Variants in CARD14 observed in about 807,000 individuals in gnomAD.
CARD14 encodes the protein caspase recruitment domain-containing protein 14.
In CARD14, 107 loss-of-function variants were observed where a neutral mutation model predicts 111.5. The observed-to-expected ratio is 0.96, with a 90% confidence interval of 0.82 to 1.13. The LOEUF is 1.13. Among genes scored for constraint, CARD14 ranks in the 50% most tolerant of loss-of-function variants. The pLI, the probability that CARD14 is intolerant of heterozygous loss-of-function variation, is 0.00. For missense variants in CARD14, 1,322 were observed against 1,362.3 expected (o/e 0.97, Z 0.47); for synonymous variants, 617 against 579.6 (o/e 1.06, Z -0.93).
intron 11 of CARD14, 59 bp downstream of exon 11, chr17:80,191,531 A>T: frequency 6.3e-7 from 1 of 1,584,960 alleles, no homozygotes; most frequent in Non-Finnish European, 8.6e-7. Context: ...TGACAGTGGG[A>T]CAGAGCTGGG....
Position 80,184,059 on chromosome 17 carries a change from C to G in CARD14, c.496C>G (p.Arg166Gly), listed in dbSNP as rs751727290. The G allele has an allele frequency of 1.3e-6, 2 of 1,586,180 alleles. No individual in the cohort carries two copies. Among genetic ancestry groups the G allele is most frequent in the South Asian group, 2.3e-5 (2 of 87,086 alleles). Reference sequence around the variant, plus strand: ...GGAGCACCTGGGCCTGGCCGAGACCCGTGCCGAGGGCCTGCACCAGCTGGA... The same window carrying G: ...GGAGCACCTGGGCCTGGCCGAGACCGGTGCCGAGGGCCTGCACCAGCTGGA... ...LQEHLGLAETRAEGLHQLEAD... is the reference protein window; with the variant it reads ...LQEHLGLAETGAEGLHQLEAD... The change falls in exon 7 of 24, where the codon CGT becomes GGT. Residue 166 changes from arginine (R) to glycine (G), a missense_variant. Coordinates refer to ENST00000648509, the MANE Select transcript of CARD14 (RefSeq NM_001366385.1).
Position 80,188,091 on chromosome 17 carries a change from GT to G in CARD14, c.676-284del. On this transcript the variant is annotated intron_variant, in intron 7 of 23. Transcript: ENST00000648509. The surrounding 1 kb of genome is among the most constrained non-coding windows in gnomAD (Gnocchi z 4.5). ...CTCAGCTGTAGAGATCCAGGAGTTGGTTATCAAGGCCTCTTGGTCTATTCCT... is the reference window on the plus strand; with the variant it reads ...CTCAGCTGTAGAGATCCAGGAGTTGGTATCAAGGCCTCTTGGTCTATTCCT... 1 of 567,066 alleles carries G rather than the reference GT, an allele frequency of 1.8e-6. No individual in the cohort carries two copies. Among genetic ancestry groups the G allele is most frequent in the Non-Finnish European group, 2.3e-6 (1 of 426,098 alleles). 35.1% of individuals were successfully genotyped at this position (567,066 alleles called of 1,614,324 possible).
At chr17:80,196,574 T>C (rs535151599) in intron 14 of CARD14, 13 of 152,244 alleles carry the variant, frequency 8.5e-5, no homozygotes, top group Non-Finnish European at 1.9e-4. Flanking sequence ...TTTTTGCCTG[T>C]GAGCCAGGCC....
chr17:80,200,781 C>T, intron 16 of CARD14: 1 of 159,208 alleles, frequency 6.3e-6, no homozygotes, highest in Non-Finnish European at 1.4e-5. Context: ...TGTTTTCCTG[C>T]AACTAGACGG....
chr17:80,175,396 A>G (rs906983845), intron 2 of CARD14, among the ~76,000 whole-genome samples: 3 of 152,170 alleles, frequency 2.0e-5, no homozygotes, highest in African/African-American at 7.2e-5. Flanking sequence ...TCATTTCACC[A>G]GGAGCTGGGG....
In CARD14 at chr17:80,202,207, A is replaced by G; in HGVS notation, c.2006A>G (p.Glu669Gly). Residue 669 changes from glutamate (E) to glycine (G), a missense_variant, in exon 18 of 24, where the codon GAG (glutamate) becomes GGG (glycine). Glu to Gly is a moderately conservative substitution (Grantham distance 98). Transcript: ENST00000648509. ...TATAAGAGGCTACTCCAGGACCTGGAGGCCAAAGTGGCGACCTCGGGGGAC... is the reference window on the plus strand; with the variant it reads ...TATAAGAGGCTACTCCAGGACCTGGGGGCCAAAGTGGCGACCTCGGGGGAC... ...DGYKRLLQDL[E>G]AKVATSGDSF... 1 of 1,613,778 alleles carries G rather than the reference A, an allele frequency of 6.2e-7. No homozygotes were observed. Among genetic ancestry groups the G allele is most frequent in the Admixed American group, 1.7e-5 (1 of 60,008 alleles).
At chr17:80,177,462 G>A (rs534657755) in intron 2 of CARD14, among the ~76,000 whole-genome samples, 5 of 152,194 alleles carry the variant, frequency 3.3e-5, no homozygotes, top group South Asian at 4.1e-4. Context: ...TTGGGAGGCC[G>A]AGGCAGGCGG....
At position 80,209,265 on chromosome 17, in the gene CARD14, A is replaced by G; in HGVS notation, c.*920A>G. On this transcript the variant is annotated 3_prime_UTR_variant, in exon 24 of 24. Coordinates refer to ENST00000648509, the MANE Select transcript of CARD14 (RefSeq NM_001366385.1). ...AAGCTGTTCTAGAATTCAGGTTGGT[A>G]TCATCATAAATGAGTTCAGAAAAAG... The G allele has an allele frequency of 1.1e-6, 1 of 947,966 alleles. No homozygotes were observed. Among genetic ancestry groups the G allele is most frequent in the Non-Finnish European group, 1.3e-6 (1 of 795,754 alleles). The allele number at this position is 947,966 out of a possible 1,614,324, so 58.7% of individuals were successfully genotyped here.
At position 80,191,465 on chromosome 17, in the gene CARD14, C is replaced by T. The variant is rs564433759; in HGVS notation, c.1232C>T (p.Pro411Leu). 65 of 1,612,160 alleles carry T rather than the reference C, an allele frequency of 4.0e-5. No individual in the cohort carries two copies. Among genetic ancestry groups the T allele is most frequent in the Admixed American group, 2.5e-4 (15 of 60,002 alleles). The part of the protein sequence containing the change: ...TQLRQLQAEP[P>L]GVLKQEARTR... ...CTTCGCCAGCTGCAGGCAGAGCCTC[C>T]GGGTGTGGTGAGTGTTCCCGGCTGA... Residue 411 changes from proline (P) to leucine (L), a missense_variant, in exon 11 of 24, where the codon CCG (proline) becomes CTG (leucine). Physicochemically the swap from Pro to Leu is moderately conservative, Grantham distance 98. Coordinates refer to ENST00000648509, the MANE Select transcript of CARD14 (RefSeq NM_001366385.1).
At chr17:80,204,722 C>A in intron 20 of CARD14, 1 of 414,546 alleles carries the variant, frequency 2.4e-6, no homozygotes, top group East Asian at 3.8e-5. Context: ...GCCACTCTCC[C>A]AGATCCTTTG....
rs777211579 is a variant in CARD14 at position 80,208,259 on chromosome 17, G to A, written c.2929G>A (p.Asp977Asn). 36 of 1,589,892 alleles carry A rather than the reference G, an allele frequency of 2.3e-5. No individual in the cohort carries two copies. In the East Asian group the frequency reaches 5.4e-4, roughly 24 times the overall value. The part of the protein sequence containing the change: ...YSSLAPDGWS[D>N]LDGLLSCVRQ... ...CAGCCTGGCTCCTGACGGCTGGAGC[G>A]ACCTGGACGGCCTGCTCAGCTGTGT... is the stretch of plus-strand genomic sequence containing the variant. The change falls in exon 24 of 24, where the codon GAC becomes AAC. Residue 977 changes from aspartate (D) to asparagine (N), a missense_variant. Asp to Asn is a conservative substitution (Grantham distance 23, BLOSUM62 1). Transcript: ENST00000648509.
rs146214639 is a variant in CARD14, at chr17:80,184,012, T to G, written c.449T>G (p.Leu150Arg). Residue 150 changes from leucine (L) to arginine (R), a missense_variant, in exon 7 of 24, where the codon CTG (leucine) becomes CGG (arginine). By Grantham distance (102) the Leu-to-Arg change is moderately radical (BLOSUM62 -2). Coordinates refer to ENST00000648509, the MANE Select transcript of CARD14 (RefSeq NM_001366385.1). Reference protein sequence around the residue: ...NQEKGQKEVLLRRCQQLQEHL... With the variant: ...NQEKGQKEVLRRRCQQLQEHL... ...GAAAAGGGGCAGAAGGAGGTGCTGC[T>G]GCGGCGGTGCCAGCAGCTGCAGGAG... 2.0e-3 allele frequency: 3,173 copies of G among 1,587,026 alleles called. 7 individuals are homozygous for G. The highest frequency in any genetic ancestry group is 2.5e-3 in the Non-Finnish European group (2,945 of 1,165,744).
In CARD14 at chr17:80,188,076, G is replaced by GA. The variant is rs1280288326; in HGVS notation, c.676-300dup. On this transcript the variant is annotated intron_variant, in intron 7 of 23. Coordinates refer to ENST00000648509, the MANE Select transcript of CARD14 (RefSeq NM_001366385.1). This position sits in a 1 kb window ranked among gnomAD's most constrained non-coding sequence, Gnocchi z 4.5. Reference sequence around the variant, plus strand: ...CATCACTGCCGGCTGCTCAGCTGTAGAGATCCAGGAGTTGGTTATCAAGGC... The same window carrying GA: ...CATCACTGCCGGCTGCTCAGCTGTAGAAGATCCAGGAGTTGGTTATCAAGGC... 4.5e-6 allele frequency: 3 copies of GA among 669,056 alleles called. No homozygotes were observed. The African/African-American group carries it at 5.7e-5, about 13-fold the overall frequency. The allele number at this position is 669,056 out of a possible 1,614,324, so 41.4% of individuals were successfully genotyped here.
At chr17:80,206,827 A>G in intron 22 of CARD14, 143 bp from the exon 23 acceptor site, 1 of 469,774 alleles carries the variant, frequency 2.1e-6, no homozygotes, top group Admixed American at 4.0e-5. Flanking sequence ...CTATTCCCTC[A>G]TCTCCTCTAC....
chr17:80,186,984 G>GCACACACATACTTGTCTGTGTA (rs1400328817), intron 7 of CARD14, among the ~76,000 whole-genome samples: 4 of 152,226 alleles, frequency 2.6e-5, no homozygotes, highest in African/African-American at 9.7e-5. Context: ...ATACACATAT[G>GCACACACATACTTGTCTGTGTA]CACACACATA....
chr17:80,204,943 T>A, intron 20 of CARD14, 92 bp from the exon 21 acceptor site: 1 of 1,113,948 alleles, frequency 9.0e-7, no homozygotes, highest in Non-Finnish European at 1.2e-6. Context: ...GCTGCTGCAG[T>A]GAGCAAAGCA....
rs377287985 is a variant in CARD14, at chr17:80,191,308, C to A, written c.1090-15C>A. ...GGTGATGGCGCGGCCTCCTTACTCC[C>A]GTCGTGGCCCACAGGCGTACTCCGC... On this transcript the variant is annotated splice_polypyrimidine_tract_variant and intron_variant, in intron 10 of 23. Coordinates refer to ENST00000648509, the MANE Select transcript of CARD14 (RefSeq NM_001366385.1). The A allele has an allele frequency of 6.2e-7, 1 of 1,602,792 alleles. No homozygotes were observed. Among genetic ancestry groups the A allele is most frequent in the African/African-American group, 1.3e-5 (1 of 74,876 alleles).
chr17:80,202,634 T>C, intron 18 of CARD14: 1 of 1,405,588 alleles, frequency 7.1e-7, no homozygotes, highest in Non-Finnish European at 9.3e-7. Context: ...TTCTAGAACA[T>C]TCTAGATCTG....
Position 80,184,187 on chromosome 17 carries a change from G to A in CARD14, c.624G>A (p.Ala208=), listed in dbSNP as rs372452466. 1.0e-4 allele frequency: 157 copies of A among 1,559,852 alleles called. No individual in the cohort carries two copies. Among genetic ancestry groups the A allele is most frequent in the African/African-American group, 3.8e-4 (28 of 73,798 alleles). ...MLSLSLHYSN[A]LQEKELAASR... ...GCCTCTCGCTGCACTATAGCAATGCGCTGCAGGAGAAGGAGCTGGCCGCCT... is the reference window on the plus strand; with the variant it reads ...GCCTCTCGCTGCACTATAGCAATGCACTGCAGGAGAAGGAGCTGGCCGCCT... The change falls in exon 7 of 24, where the codon GCG becomes GCA. Residue 208 remains alanine, a synonymous_variant. Coordinates refer to ENST00000648509, the MANE Select transcript of CARD14 (RefSeq NM_001366385.1).
Sources: gnomAD v4.1 joint callset for allele counts (sites outside exome capture counted in the v4.1 genomes callset) on GRCh38, gnomAD v4.1.1 for gene constraint, Gnocchi (gnomAD v3.1) non-coding constraint, MANE v1.5 for transcripts, NCBI Gene and HGNC (gene_info 2026-07-23, HGNC 2026-07-21) for gene names.